The following WWOX variants were observed in gnomAD, a reference collection of about 807,000 sequenced individuals.
The protein encoded by WWOX is WW domain containing oxidoreductase, also known as WW domain-containing oxidoreductase.
A neutral mutation model predicts 46.2 loss-of-function variants in WWOX; 69 were observed. That is an observed-to-expected ratio of 1.49 (90% CI 1.23 to 1.82). The LOEUF (loss-of-function observed/expected upper bound fraction) is 1.82. WWOX is among the 40% of genes most tolerant of loss of function. The pLI is 0.00. For missense variants in WWOX, 919 were observed against 542.6 expected, an observed-to-expected ratio of 1.69 and a Z score of -6.89; for synonymous variants, 359 against 202.6, an observed-to-expected ratio of 1.77 and a Z score of -6.56.
At chr16:78,532,738 A>T (rs1244673903) in intron 8 of WWOX, among the ~76,000 whole-genome samples, 1 of 151,788 alleles carries the variant, frequency 6.6e-6, no homozygotes, top group East Asian at 1.9e-4. Context: ...ACTCTCCCTT[A>T]TGATACCGTC....
chr16:78,457,614 A>C (rs577920432), intron 8 of WWOX, among the ~76,000 whole-genome samples: 17 of 152,196 alleles, frequency 1.1e-4, no homozygotes, highest in Non-Finnish European at 2.1e-4. Flanking sequence ...GAGGACGCAC[A>C]TGAAAATAAC....
At position 78,544,254 on chromosome 16, in the gene WWOX, A is replaced by G. The variant is rs16948047; in HGVS notation, c.1056+111502A>G. On this transcript the variant is annotated intron_variant, in intron 8 of 8. Coordinates refer to ENST00000566780, the MANE Select transcript of WWOX (RefSeq NM_016373.4). ...TCTCTGACTATAATTGTAAAACAGT[A>G]GATGTCTTTCACCAAGCGCTAACAT... Among the ~76,000 whole-genome samples the G allele has an allele frequency of 8.7e-3, 1,323 of 152,354 alleles. 18 individuals are homozygous for G. The highest frequency in any genetic ancestry group is 0.03 in the African/African-American group (1,237 of 41,576).
intron 3 of WWOX, among the ~76,000 whole-genome samples, chr16:78,110,861 G>C (rs1439804538): frequency 6.6e-6 from 1 of 152,162 alleles, no homozygotes; most frequent in African/African-American, 2.4e-5. Flanking sequence ...TTTGAGCCCA[G>C]CACCTGCTCC....
At chr16:78,673,625 T>C (rs2047518889) in intron 8 of WWOX, among the ~76,000 whole-genome samples, 1 of 152,072 alleles carries the variant, frequency 6.6e-6, no homozygotes, top group South Asian at 2.1e-4. Context: ...TAAAAGAAAA[T>C]ATTAAGATAA....
At chr16:79,166,950 A>T (rs899108808) in intron 8 of WWOX, among the ~76,000 whole-genome samples, 12 of 151,428 alleles carry the variant, frequency 7.9e-5, no homozygotes, top group Non-Finnish European at 1.8e-4. Context: ...TATAATAATT[A>T]TTTTTTTTTG....
rs941905074 is a variant in WWOX at position 79,121,752 on chromosome 16, T to C, written c.1057-89856T>C. On this transcript the variant is annotated intron_variant, in intron 8 of 8. Transcript: ENST00000566780. ...TGCTGGGAGTCTGAGATAGATTCAA[T>C]TGGGAAAACTAGGTTAGTGCCAGAT... Among the ~76,000 whole-genome samples, 6 of 152,306 alleles carry C rather than the reference T, an allele frequency of 3.9e-5. No individual in the cohort carries two copies. In the East Asian group the frequency reaches 7.7e-4, roughly 20 times the overall value.
chr16:79,207,210 T>A lies in WWOX; in HGVS notation c.1057-4398T>A, dbSNP rs576464556. 4.6e-5 allele frequency among the ~76,000 whole-genome samples: 7 copies of A among 152,388 alleles called. No individual in the cohort carries two copies. The South Asian group carries it at 1.4e-3, about 32-fold the overall frequency. ...GCTCTCTGATAAATGATTCTGTTCCTAGTGGTGTATTCACAGAGTCAATGG... is the reference window on the plus strand; with the variant it reads ...GCTCTCTGATAAATGATTCTGTTCCAAGTGGTGTATTCACAGAGTCAATGG... On this transcript the variant is annotated intron_variant, in intron 8 of 8. Transcript: ENST00000566780.
intron 6 of WWOX, among the ~76,000 whole-genome samples, chr16:78,414,014 C>T (rs891445992): frequency 1.3e-5 from 2 of 151,942 alleles, no homozygotes; most frequent in South Asian, 2.1e-4. Flanking sequence ...CTTGCCTTAA[C>T]TGATGACATT....
chr16:78,121,231 T>C (rs1264830403), intron 4 of WWOX, among the ~76,000 whole-genome samples: 1 of 152,220 alleles, frequency 6.6e-6, no homozygotes. Flanking sequence ...AATAACCTTT[T>C]GGGCATTGGA....
chr16:78,387,008 A>C, intron 6 of WWOX, 60 bp downstream of exon 6: 1 of 1,515,590 alleles, frequency 6.6e-7, no homozygotes, highest in Non-Finnish European at 9.2e-7. Context: ...TATCTTTATC[A>C]GATGAACACA....
At chr16:78,837,894 A>G (rs1056105203) in intron 8 of WWOX, among the ~76,000 whole-genome samples, 1 of 152,202 alleles carries the variant, frequency 6.6e-6, no homozygotes, top group Admixed American at 6.5e-5. Context: ...TCCCCATTTT[A>G]CAGATGAGAA....
chr16:78,637,366 A>C (rs1307693596), intron 8 of WWOX, among the ~76,000 whole-genome samples: 2 of 151,838 alleles, frequency 1.3e-5, no homozygotes, highest in African/African-American at 4.8e-5. Context: ...TGTTGAACCC[A>C]GGAGGCAGAG....
At chr16:79,098,253 A>G (rs558457330) in intron 8 of WWOX, among the ~76,000 whole-genome samples, 1 of 152,342 alleles carries the variant, frequency 6.6e-6, no homozygotes, top group South Asian at 2.1e-4. Flanking sequence ...GCAGAGGCAC[A>G]GTCACATTTG....
intron 3 of WWOX, among the ~76,000 whole-genome samples, chr16:78,113,817 G>C (rs2032625116): frequency 6.6e-6 from 1 of 152,082 alleles, no homozygotes; most frequent in Non-Finnish European, 1.5e-5. Flanking sequence ...ACAAATTAAG[G>C]TTGTTATAAA....
chr16:79,142,869 T>A lies in WWOX; in HGVS notation c.1057-68739T>A, dbSNP rs377342922. On this transcript the variant is annotated intron_variant, in intron 8 of 8. Transcript: ENST00000566780. The stretch of plus-strand genomic sequence containing the variant: ...ACACACCATCATGCTGAGCTAATTT[T>A]TATATATATTTTTTTACAGAGACAA... 1.1e-3 allele frequency among the ~76,000 whole-genome samples: 165 copies of A among 152,128 alleles called. No homozygotes were observed. In the South Asian group the frequency reaches 0.033, roughly 30 times the overall value.
intron 8 of WWOX, among the ~76,000 whole-genome samples, chr16:78,492,615 T>C (rs2084811192): frequency 6.6e-6 from 1 of 152,208 alleles, no homozygotes; most frequent in Non-Finnish European, 1.5e-5. Context: ...TTCTCCTCCT[T>C]TTCAAAGAAG....
At chr16:78,745,522 C>CTTTTTT (rs5818168) in intron 8 of WWOX, among the ~76,000 whole-genome samples, 7 of 92,744 alleles carry the variant, frequency 7.5e-5, no homozygotes, top group African/African-American at 1.9e-4. Flanking sequence ...TGTGGAAATC[C>CTTTTTT]TTTTTTTTTT....
chr16:79,076,224 A>G (rs1407129626), intron 8 of WWOX, among the ~76,000 whole-genome samples: 1 of 152,230 alleles, frequency 6.6e-6, no homozygotes, highest in Non-Finnish European at 1.5e-5. Context: ...TCTGTGGGTT[A>G]TGTGTGACCA....
intron 6 of WWOX, among the ~76,000 whole-genome samples, chr16:78,408,577 G>A (rs143460548): frequency 6.6e-6 from 1 of 152,318 alleles, no homozygotes; most frequent in East Asian, 1.9e-4. Flanking sequence ...CAGGGAACTT[G>A]TGTAACAGCT....
Sources: gnomAD v4.1 joint callset for allele counts (sites outside exome capture counted in the v4.1 genomes callset) on GRCh38, gnomAD v4.1.1 for gene constraint, MANE v1.5 for transcripts, NCBI Gene and HGNC (gene_info 2026-07-23, HGNC 2026-07-21) for gene names.